The following RSF1 variants were observed in gnomAD, a reference collection of about 807,000 sequenced individuals.
RSF1 encodes remodeling and spacing factor 1, also known as HBV pX-associated protein 8.
RSF1 carries 13 observed loss-of-function variants against 145.2 expected under a neutral mutation model. That is an observed-to-expected ratio of 0.09 (90% CI 0.06 to 0.14). The LOEUF is 0.14. Ranked by LOEUF, RSF1 falls within the 10% of genes least tolerant of loss-of-function variation. The pLI is 1.00. For missense variants in RSF1, 1,517 were observed against 1,718.2 expected (o/e 0.88, Z 2.07); for synonymous variants, 577 against 592.6 (o/e 0.97, Z 0.38).
chr11:77,868,753 G>A, the RSF1 span: 1 of 234,418 alleles, frequency 4.3e-6, no homozygotes, highest in Middle Eastern at 1.2e-3. Context: ...CAGCAACTCA[G>A]GCTCCTTCCC....
At chr11:77,790,787 T>G (rs909772824) in intron 1 of RSF1, among the ~76,000 whole-genome samples, 2 of 152,180 alleles carry the variant, frequency 1.3e-5, no homozygotes, top group Non-Finnish European at 2.9e-5. Flanking sequence ...CTCCAGTGAC[T>G]CCAGGTCTCA....
At chr11:77,696,081 A>G (rs138645193) in intron 7 of RSF1, among the ~76,000 whole-genome samples, 302 of 152,336 alleles carry the variant, frequency 2.0e-3, no homozygotes, top group African/African-American at 6.9e-3. Flanking sequence ...CTTCCGGTAT[A>G]CAGTTGATTA....
chr11:77,776,421 T>A (rs1948343175), intron 1 of RSF1, among the ~76,000 whole-genome samples: 1 of 152,194 alleles, frequency 6.6e-6, no homozygotes, highest in African/African-American at 2.4e-5. Flanking sequence ...TAATAAGTGA[T>A]CAGCTCATAC....
the RSF1 span, among the ~76,000 whole-genome samples, chr11:77,830,743 A>T: frequency 6.6e-6 from 1 of 152,128 alleles, no homozygotes; most frequent in Non-Finnish European, 1.5e-5. Flanking sequence ...AAAGACAAAT[A>T]ATTGGCATTT....
the RSF1 span, among the ~76,000 whole-genome samples, chr11:77,864,654 T>C: frequency 6.6e-6 from 1 of 152,150 alleles, no homozygotes; most frequent in African/African-American, 2.4e-5. Flanking sequence ...TCCTATCTCA[T>C]GTACAATCCA....
At chr11:77,790,012 G>A (rs916014856) in intron 1 of RSF1, among the ~76,000 whole-genome samples, 7 of 152,168 alleles carry the variant, frequency 4.6e-5, no homozygotes, top group African/African-American at 1.4e-4. Context: ...CACTGCTCAG[G>A]ACTAAGAAGG....
At chr11:77,694,010 C>G in intron 7 of RSF1, among the ~76,000 whole-genome samples, 1 of 152,026 alleles carries the variant, frequency 6.6e-6, no homozygotes, top group East Asian at 1.9e-4. Flanking sequence ...GTCTTGATCT[C>G]CTGACCTTGT....
intron 15 of RSF1, 120 bp downstream of exon 15, chr11:77,671,922 C>T: frequency 5.5e-6 from 5 of 916,096 alleles, no homozygotes; most frequent in Non-Finnish European, 7.9e-6. Context: ...GCGTGAGCCA[C>T]CATGCCTGGC....
At chr11:77,826,252 C>T in the RSF1 span, among the ~76,000 whole-genome samples, 1 of 151,820 alleles carries the variant, frequency 6.6e-6, no homozygotes, top group Admixed American at 6.6e-5. Flanking sequence ...GTCCCAGCTA[C>T]TCGGGAGGCT....
chr11:77,725,501 A>C, intron 5 of RSF1, 44 bp downstream of exon 5: 1 of 1,445,568 alleles, frequency 6.9e-7, no homozygotes, highest in South Asian at 1.5e-5. Context: ...AAGAATATGG[A>C]AGAGATTACA....
chr11:77,764,517 T>C, intron 2 of RSF1, 81 bp downstream of exon 2: 1 of 800,396 alleles, frequency 1.2e-6, no homozygotes, highest in Non-Finnish European at 2.1e-6. Context: ...TTAAAAATTA[T>C]GTGTATTATA....
At chr11:77,843,242 T>C in the RSF1 span, among the ~76,000 whole-genome samples, 1 of 152,232 alleles carries the variant, frequency 6.6e-6, no homozygotes, top group Non-Finnish European at 1.5e-5. Flanking sequence ...GTTGTTCTCA[T>C]TGCGGTTTTT....
the RSF1 span, among the ~76,000 whole-genome samples, chr11:77,860,697 G>A: frequency 6.6e-6 from 1 of 152,198 alleles, no homozygotes; most frequent in African/African-American, 2.4e-5. Context: ...CAGTCCAGGT[G>A]AATTGAGACA....
intron 2 of RSF1, among the ~76,000 whole-genome samples, chr11:77,750,854 T>C (rs1948055395): frequency 6.6e-6 from 1 of 152,200 alleles, no homozygotes; most frequent in South Asian, 2.1e-4. Flanking sequence ...CTTTGTTTGA[T>C]TATCTATAAA....
In RSF1 at chr11:77,665,723, C is replaced by T. The variant is rs1959345751; in HGVS notation, c.*1194G>A. ...CAAAGGCCAAAACTACATTCAAACT[C>T]TGCTAATATATCCAGGCAGATAGGA... is the stretch of plus-strand genomic sequence containing the variant. On this transcript the variant is annotated 3_prime_UTR_variant, in exon 16 of 16. Transcript: ENST00000308488. 1 of 152,110 alleles carries T rather than the reference C, an allele frequency of 6.6e-6. No homozygotes were observed. The highest frequency in any genetic ancestry group is 1.5e-5 in the Non-Finnish European group (1 of 68,034). 9.4% of individuals were successfully genotyped at this position (152,110 alleles called of 1,614,324 possible).
intron 1 of RSF1, among the ~76,000 whole-genome samples, chr11:77,798,581 TAAAAAAAAAAAAAAAAAAAAAA>T (rs543236647): frequency 6.5e-4 from 16 of 24,496 alleles, no homozygotes; most frequent in Admixed American, 8.1e-4. Context: ...GACTCCATCT[TAAAAAAAAAAAAAAAAAAAAAA>T]AAAAAAAAAA....
At chr11:77,735,939 A>G (rs1163219990) in intron 4 of RSF1, among the ~76,000 whole-genome samples, 1 of 152,146 alleles carries the variant, frequency 6.6e-6, no homozygotes, top group African/African-American at 2.4e-5. Context: ...GAGTTTCACC[A>G]TGTTGGCCAG....
the RSF1 span, among the ~76,000 whole-genome samples, chr11:77,860,194 T>C: frequency 2.0e-5 from 3 of 152,224 alleles, no homozygotes; most frequent in African/African-American, 7.2e-5. Flanking sequence ...GTTAGGGCCT[T>C]CTTTAGGGCC....
the RSF1 span, chr11:77,872,194 A>G: frequency 6.8e-6 from 11 of 1,613,394 alleles, no homozygotes; most frequent in Non-Finnish European, 8.5e-6. Flanking sequence ...TCAACTGTGG[A>G]GTACCTCAAG....
Sources: gnomAD v4.1 joint callset for allele counts (sites outside exome capture counted in the v4.1 genomes callset) on GRCh38, gnomAD v4.1.1 for gene constraint, MANE v1.5 for transcripts, NCBI Gene and HGNC (gene_info 2026-07-23, HGNC 2026-07-21) for gene names.